The following NPAS3 variants were observed in gnomAD, a reference collection of about 807,000 sequenced individuals.
NPAS3 encodes neuronal PAS domain protein 3.
NPAS3 carries 14 observed loss-of-function variants against 73.1 expected under a neutral mutation model. The observed-to-expected ratio is 0.19, with a 90% CI of 0.13 to 0.30. The LOEUF (loss-of-function observed/expected upper bound fraction) is 0.30, where lower values mean the gene tolerates loss of function less well. NPAS3 is among the 10% of genes least tolerant of loss of function. The pLI is 1.00. For synonymous variants in NPAS3, 620 were observed against 541.5 expected, an observed-to-expected ratio of 1.14 and a Z score of -2.01; for missense variants, 1,096 against 1,250.0, an observed-to-expected ratio of 0.88 and a Z score of 1.86.
chr14:33,302,355 G>T (rs1189520819), intron 3 of NPAS3, among the ~76,000 whole-genome samples: 1 of 152,154 alleles, frequency 6.6e-6, no homozygotes, highest in Non-Finnish European at 1.5e-5. Flanking sequence ...GACATACCTA[G>T]TCCTGCAGCT....
intron 4 of NPAS3, among the ~76,000 whole-genome samples, chr14:33,369,140 T>C (rs545411530): frequency 3.9e-5 from 6 of 152,210 alleles, no homozygotes; most frequent in East Asian, 3.9e-4. Flanking sequence ...TTATACTTCA[T>C]TGAGAGAACA....
chr14:33,023,834 C>CGTAGCCT (rs1174074325), intron 1 of NPAS3, among the ~76,000 whole-genome samples: 1 of 152,024 alleles, frequency 6.6e-6, no homozygotes, highest in Admixed American at 6.5e-5. Context: ...ATCCATCATC[C>CGTAGCCT]GTAGCCTGGC....
intron 4 of NPAS3, among the ~76,000 whole-genome samples, chr14:33,536,687 G>T (rs529174790): frequency 6.6e-6 from 1 of 151,450 alleles, no homozygotes; most frequent in Non-Finnish European, 1.5e-5. Flanking sequence ...GCTTTTTTAT[G>T]CTTTGGAGGT....
intron 4 of NPAS3, among the ~76,000 whole-genome samples, chr14:33,544,140 G>T (rs968994623): frequency 6.6e-6 from 1 of 151,346 alleles, no homozygotes; most frequent in Non-Finnish European, 1.5e-5. Flanking sequence ...TTATGATTTG[G>T]GGTCTATTTA....
At chr14:33,436,991 A>G (rs1421725499) in intron 4 of NPAS3, among the ~76,000 whole-genome samples, 1 of 152,180 alleles carries the variant, frequency 6.6e-6, no homozygotes, top group Non-Finnish European at 1.5e-5. Flanking sequence ...AATTTTGCTT[A>G]CTTTTGGGCT....
At chr14:32,939,709 G>A (rs1292716164) in intron 1 of NPAS3, among the ~76,000 whole-genome samples, 1 of 151,876 alleles carries the variant, frequency 6.6e-6, no homozygotes, top group Non-Finnish European at 1.5e-5. Context: ...CGTGTGACGG[G>A]AGCAGCAGCG....
chr14:33,027,833 G>A (rs972800763), intron 1 of NPAS3, among the ~76,000 whole-genome samples: 1 of 152,136 alleles, frequency 6.6e-6, no homozygotes, highest in Non-Finnish European at 1.5e-5. Context: ...TGTACTGAGA[G>A]TAATAGGCTG....
upstream of NPAS3, chr14:32,934,856 T>A (rs1419145222): frequency 1.7e-6 from 1 of 580,008 alleles, no homozygotes; most frequent in Non-Finnish European, 2.2e-6. This position sits in a 1 kb window ranked among gnomAD's most constrained non-coding sequence, Gnocchi z 4.1. Context: ...ATGATCCGAA[T>A]CTTTCCGGAT....
chr14:33,252,197 G>C (rs2048613248), intron 3 of NPAS3, among the ~76,000 whole-genome samples: 1 of 151,694 alleles, frequency 6.6e-6, no homozygotes, highest in African/African-American at 2.4e-5. Flanking sequence ...ATCCCTGTGA[G>C]GTATATGAAA....
chr14:33,188,986 C>T (rs937109668), intron 2 of NPAS3, among the ~76,000 whole-genome samples: 1 of 152,002 alleles, frequency 6.6e-6, no homozygotes, highest in African/African-American at 2.4e-5. Context: ...TATTTGCTTG[C>T]CTTAAAAATT....
At chr14:33,635,603 G>A (rs1263902580) in intron 5 of NPAS3, among the ~76,000 whole-genome samples, 3 of 152,152 alleles carry the variant, frequency 2.0e-5, no homozygotes, top group Admixed American at 6.5e-5. Flanking sequence ...CCATTTTGAA[G>A]TTTAATCAAT....
intron 5 of NPAS3, among the ~76,000 whole-genome samples, chr14:33,622,691 G>A (rs1182759084): frequency 6.6e-6 from 1 of 152,156 alleles, no homozygotes; most frequent in Admixed American, 6.6e-5. Context: ...CGCAAATATG[G>A]TGCATGTGGT....
chr14:33,436,464 T>C (rs2039402263), intron 4 of NPAS3, among the ~76,000 whole-genome samples: 1 of 152,224 alleles, frequency 6.6e-6, no homozygotes. Context: ...TACACATCAG[T>C]GTGCTAGATA....
Position 33,462,086 on chromosome 14 carries a change from G to C in NPAS3, c.468+94818G>C, listed in dbSNP as rs554750824. 4.5e-4 allele frequency among the ~76,000 whole-genome samples: 68 copies of C among 152,292 alleles called. No homozygotes were observed. The Middle Eastern group carries it at 0.01, about 23-fold the overall frequency. ...CTGTACTCTCCATGACTGAGCATTA[G>C]ATGAAGTGGAAACCATCATTACAGG... On this transcript the variant is annotated intron_variant, in intron 4 of 11. Coordinates refer to ENST00000356141, the Ensembl canonical transcript of NPAS3.
intron 4 of NPAS3, among the ~76,000 whole-genome samples, chr14:33,461,891 T>A (rs2050286050): frequency 6.6e-6 from 1 of 152,184 alleles, no homozygotes; most frequent in Admixed American, 6.5e-5. Flanking sequence ...GAAATGGGAA[T>A]GGTAATAGTT....
At chr14:33,046,292 G>A (rs1213330075) in intron 1 of NPAS3, among the ~76,000 whole-genome samples, 1 of 152,178 alleles carries the variant, frequency 6.6e-6, no homozygotes, top group Non-Finnish European at 1.5e-5. Context: ...AAATGGTGAT[G>A]TGTGAAGCTG....
At chr14:33,215,229 G>A (rs1416144955) in exon 3 of NPAS3, 1 of 1,612,986 alleles carries the variant, frequency 6.2e-7, no homozygotes, top group Non-Finnish European at 8.5e-7. Context: ...GCTCGCTCCC[G>A]CCGGGGAAAA....
chr14:33,004,182 A>G (rs1007089805), intron 1 of NPAS3, among the ~76,000 whole-genome samples: 1 of 152,210 alleles, frequency 6.6e-6, no homozygotes, highest in Non-Finnish European at 1.5e-5. Flanking sequence ...AATTTTTAGT[A>G]CAGTGTGTGT....
chr14:33,620,662 TAATAGAC>T (rs1297283894), intron 5 of NPAS3, among the ~76,000 whole-genome samples: 3 of 152,182 alleles, frequency 2.0e-5, no homozygotes, highest in Non-Finnish European at 4.4e-5. Context: ...AAATCAACAT[TAATAGAC>T]ATAACATACA....
Sources: gnomAD v4.1 joint callset for allele counts (sites outside exome capture counted in the v4.1 genomes callset) on GRCh38, gnomAD v4.1.1 for gene constraint, Gnocchi (gnomAD v3.1) non-coding constraint, MANE v1.5 for transcripts, NCBI Gene and HGNC (gene_info 2026-07-23, HGNC 2026-07-21) for gene names.